The following GABRA3 variants were observed in gnomAD, a reference collection of about 807,000 sequenced individuals.
The protein encoded by GABRA3 is gamma-aminobutyric acid receptor subunit alpha-3.
GABRA3 carries 10 observed loss-of-function variants against 30.1 expected under a neutral mutation model. The ratio of observed to expected loss-of-function variants is 0.33; its 90% CI spans 0.20 to 0.56. The LOEUF (loss-of-function observed/expected upper bound fraction) is 0.56, where lower values mean the gene tolerates loss of function less well. GABRA3 is among the 20% of genes least tolerant of loss of function. The pLI is 0.89. For missense variants in GABRA3, 233 were observed against 392.0 expected, an observed-to-expected ratio of 0.59 and a Z score of 3.42; for synonymous variants, 151 against 146.8, an observed-to-expected ratio of 1.03 and a Z score of -0.21.
chrX:152,294,440 C>T (rs765736162), intron 3 of GABRA3, among the ~76,000 whole-genome samples: 21 of 111,389 alleles, frequency 1.9e-4, no homozygotes, highest in South Asian at 3.8e-4. Flanking sequence ...CTTGTGCATG[C>T]GTCACATAGT....
chrX:152,445,188 C>T (rs993338450), intron 1 of GABRA3, among the ~76,000 whole-genome samples: 1 of 108,004 alleles, frequency 9.3e-6, no homozygotes, highest in African/African-American at 3.4e-5. Flanking sequence ...ATTCAGGAGA[C>T]ATATTTTGTG....
intron 2 of GABRA3, among the ~76,000 whole-genome samples, chrX:152,353,472 T>G (rs747979288): frequency 5.4e-5 from 6 of 111,551 alleles, no homozygotes; most frequent in Non-Finnish European, 1.1e-4. Context: ...TAAGCAATAC[T>G]GTTTCTCATG....
chrX:152,169,564 A>G (rs1356434300), intron 9 of GABRA3, among the ~76,000 whole-genome samples: 1 of 111,903 alleles, frequency 8.9e-6, no homozygotes, highest in Non-Finnish European at 1.9e-5. Context: ...AGGCCTGGAT[A>G]CAAACTGAGA....
intron 1 of GABRA3, among the ~76,000 whole-genome samples, chrX:152,388,556 T>G (rs1569415133): frequency 8.9e-6 from 1 of 112,165 alleles, no homozygotes; most frequent in East Asian, 2.8e-4. Context: ...CCAAGAACAC[T>G]ACTATTTAGA....
chrX:152,288,457 T>A (rs1306455191), intron 3 of GABRA3, among the ~76,000 whole-genome samples: 1 of 112,549 alleles, frequency 8.9e-6, no homozygotes, highest in Non-Finnish European at 1.9e-5. Context: ...GAGATAGTAT[T>A]TAGACCAGTA....
chrX:152,286,843 A>G (rs1315658912), intron 3 of GABRA3, among the ~76,000 whole-genome samples: 1 of 112,041 alleles, frequency 8.9e-6, no homozygotes, highest in Non-Finnish European at 1.9e-5. Context: ...CCCAAACTTA[A>G]TCAGCAAATA....
chrX:152,290,638 C>T (rs1275731672), intron 3 of GABRA3, among the ~76,000 whole-genome samples: 5 of 111,828 alleles, frequency 4.5e-5, no homozygotes, highest in South Asian at 3.7e-4. Context: ...AGGGCTTTTA[C>T]GGTTTCAGGT....
chrX:152,291,046 G>C (rs991963549), intron 3 of GABRA3, among the ~76,000 whole-genome samples: 1 of 111,492 alleles, frequency 9.0e-6, no homozygotes, highest in Non-Finnish European at 1.9e-5. Context: ...TTCCAATTCT[G>C]TGAAGAAAGT....
Position 152,384,665 on chromosome X carries a change from C to A in GABRA3, c.-26-20069G>T, listed in dbSNP as rs1603251887. On this transcript the variant is annotated intron_variant, in intron 1 of 9. Coordinates refer to ENST00000370314, the MANE Select transcript of GABRA3 (RefSeq NM_000808.4). ...GAAAGGCAGAATGATAAAGCCTGTA[C>A]AATAGAAATGAACTTCTTCACAGAG... Among the ~76,000 whole-genome samples, 3 of 112,060 alleles carry A rather than the reference C, an allele frequency of 2.7e-5. No homozygotes were observed. In the Admixed American group the frequency reaches 2.8e-4, roughly 11 times the overall value.
chrX:152,223,573 C>T lies in GABRA3; in HGVS notation c.634+1190G>A, dbSNP rs748525114. ...CCCTTCCTCACTCTGGCCAGCCACACTGGCTGAACAAGTCACCTATTTTTC... is the reference window on the plus strand; with the variant it reads ...CCCTTCCTCACTCTGGCCAGCCACATTGGCTGAACAAGTCACCTATTTTTC... On this transcript the variant is annotated intron_variant, in intron 6 of 9. Transcript: ENST00000370314. Among the ~76,000 whole-genome samples, 4 of 110,459 alleles carry T rather than the reference C, an allele frequency of 3.6e-5. No individual in the cohort carries two copies. In the East Asian group the frequency reaches 8.7e-4, roughly 24 times the overall value.
chrX:152,383,327 T>C (rs1929196888), intron 1 of GABRA3, among the ~76,000 whole-genome samples: 1 of 99,809 alleles, frequency 1.0e-5, no homozygotes, highest in South Asian at 4.8e-4. Flanking sequence ...AGGTGGAACT[T>C]GCAGTGAGCC....
chrX:152,295,532 C>T (rs1939513388), intron 3 of GABRA3, among the ~76,000 whole-genome samples: 1 of 113,082 alleles, frequency 8.8e-6, no homozygotes, highest in Non-Finnish European at 1.9e-5. Flanking sequence ...CCTGCTCTGC[C>T]GTTTGCTAAG....
intron 3 of GABRA3, among the ~76,000 whole-genome samples, chrX:152,341,065 ACT>A (rs1331618756): frequency 9.1e-6 from 1 of 109,323 alleles, no homozygotes; most frequent in African/African-American, 3.3e-5. Flanking sequence ...CCATTTTATC[ACT>A]CTGTCTGCCT....
chrX:152,218,806 C>T (rs912911499), intron 6 of GABRA3, among the ~76,000 whole-genome samples: 3 of 111,331 alleles, frequency 2.7e-5, no homozygotes, highest in Admixed American at 1.9e-4. Flanking sequence ...TAACGCTCTT[C>T]AGAGTGTTAG....
At chrX:152,378,514 T>C (rs1176236871) in intron 1 of GABRA3, among the ~76,000 whole-genome samples, 4 of 111,134 alleles carry the variant, frequency 3.6e-5, no homozygotes, top group African/African-American at 1.3e-4. Flanking sequence ...ATGTCTTCTA[T>C]ATTAGAAGAG....
intron 4 of GABRA3, among the ~76,000 whole-genome samples, chrX:152,267,166 T>C (rs775954737): frequency 1.6e-4 from 18 of 112,156 alleles, no homozygotes; most frequent in African/African-American, 5.8e-4. Flanking sequence ...ACGAGCTTTA[T>C]TATTTTGAGT....
At chrX:152,433,826 G>A (rs955589832) in intron 1 of GABRA3, among the ~76,000 whole-genome samples, 19 of 108,926 alleles carry the variant, frequency 1.7e-4, no homozygotes, top group African/African-American at 6.0e-4. Context: ...ACATTTATTA[G>A]AAATGAAGAC....
At chrX:152,264,930 A>T (rs73623010) in intron 4 of GABRA3, among the ~76,000 whole-genome samples, 12,946 of 111,456 alleles carry the variant, frequency 0.12, 610 homozygotes, top group African/African-American at 0.16. Context: ...AAAGGGTTCA[A>T]TTCAGCAATA....
chrX:152,183,217 G>A (rs1207403061), intron 9 of GABRA3, among the ~76,000 whole-genome samples: 1 of 110,143 alleles, frequency 9.1e-6, no homozygotes, highest in Non-Finnish European at 1.9e-5. Flanking sequence ...GAGACTTTTT[G>A]TTACTGATTC....
Sources: gnomAD v4.1 joint callset for allele counts (sites outside exome capture counted in the v4.1 genomes callset) on GRCh38, gnomAD v4.1.1 for gene constraint, MANE v1.5 for transcripts, NCBI Gene and HGNC (gene_info 2026-07-23, HGNC 2026-07-21) for gene names.